STMND1: variants seen among roughly 807,000 people sequenced by gnomAD.
STMND1 encodes stathmin domain containing 1.
In STMND1, 17 loss-of-function variants were observed where a neutral mutation model predicts 23.0. That is an observed-to-expected ratio of 0.74 (90% confidence interval 0.51 to 1.11). The LOEUF is 1.11. STMND1 is among the 50% of genes least tolerant of loss of function. The pLI is 0.00. For synonymous variants in STMND1, 114 were observed against 119.9 expected, an observed-to-expected ratio of 0.95 and a Z score of 0.32; for missense variants, 305 against 329.1, an observed-to-expected ratio of 0.93 and a Z score of 0.57.
At chr6:17,102,950 C>G (rs931591044) in intron 1 of STMND1, among the ~76,000 whole-genome samples, 1 of 152,166 alleles carries the variant, frequency 6.6e-6, no homozygotes, top group Admixed American at 6.5e-5. Context: ...TTCCAATACT[C>G]TTTTCCCTAA....
chr6:17,118,469 G>A (rs1475145710), intron 2 of STMND1, among the ~76,000 whole-genome samples: 1 of 151,844 alleles, frequency 6.6e-6, no homozygotes, highest in Non-Finnish European at 1.5e-5. Flanking sequence ...AGCACAACAT[G>A]GTTTTTAAAC....
intron 1 of STMND1, among the ~76,000 whole-genome samples, chr6:17,105,817 C>A (rs746656857): frequency 6.7e-6 from 1 of 148,784 alleles, no homozygotes; most frequent in African/African-American, 2.5e-5. Flanking sequence ...CCCAGCTACT[C>A]CGGAGGCTGA....
chr6:17,109,141 G>A (rs1761066077), intron 1 of STMND1, among the ~76,000 whole-genome samples: 1 of 152,194 alleles, frequency 6.6e-6, no homozygotes, highest in Admixed American at 6.5e-5. Flanking sequence ...CGGAGACAGA[G>A]AAAAGCACAT....
intron 1 of STMND1, among the ~76,000 whole-genome samples, chr6:17,108,679 C>T (rs2113475272): frequency 6.9e-6 from 1 of 145,558 alleles, no homozygotes; most frequent in South Asian, 2.2e-4. Context: ...GGTCTCCTTC[C>T]TGTTCTTTTT....
intron 2 of STMND1, 74 bp from the exon 3 acceptor site, chr6:17,120,533 C>T: frequency 8.4e-7 from 1 of 1,192,394 alleles, no homozygotes; most frequent in Non-Finnish European, 1.1e-6. Flanking sequence ...TAGAAGGCAT[C>T]CGTTTAGCAT....
At chr6:17,107,485 C>T (rs2113473890) in intron 1 of STMND1, among the ~76,000 whole-genome samples, 1 of 152,198 alleles carries the variant, frequency 6.6e-6, no homozygotes, top group East Asian at 1.9e-4. Context: ...AATCCGTACC[C>T]CCGAGGAAAA....
At position 17,129,191 on chromosome 6, in the gene STMND1, T is replaced by C. The variant is rs1486713028; in HGVS notation, c.491T>C (p.Phe164Ser). Residue 164 changes from phenylalanine (F) to serine (S), a missense_variant, in exon 4 of 5, where the codon TTC becomes TCC. By Grantham distance (155) the Phe-to-Ser change is radical. Coordinates refer to ENST00000536551, the MANE Select transcript of STMND1 (RefSeq NM_001190766.2). ...KLKIKKQVKDFTMKDIEEKME... is the reference protein window; with the variant it reads ...KLKIKKQVKDSTMKDIEEKME... ...AAGATCAAAAAGCAAGTGAAGGATTTCACAATGAAGGACATCGAGGAGAAG... is the reference window on the plus strand; with the variant it reads ...AAGATCAAAAAGCAAGTGAAGGATTCCACAATGAAGGACATCGAGGAGAAG... The C allele has an allele frequency of 6.5e-7, 1 of 1,535,932 alleles. No homozygotes were observed. The highest frequency in any genetic ancestry group is 1.2e-5 in the South Asian group (1 of 84,054).
chr6:17,130,586 CATTTCAGACTAAAGA>C lies in STMND1; in HGVS notation c.544-6_552del. ...CGCTCTTTTTCATTCTTTAATACTG[CATTTCAGACTAAAGA>C]AGAAGAAATAAGAAAAAGGCTACGG... is the stretch of plus-strand genomic sequence containing the variant. On this transcript the variant is annotated splice_acceptor_variant and splice_polypyrimidine_tract_variant and coding_sequence_variant and intron_variant, in exon 5 of 5. Transcript: ENST00000536551. LOFTEE classifies it high-confidence loss of function. The C allele has an allele frequency of 6.7e-7, 1 of 1,497,880 alleles. No individual in the cohort carries two copies. Among genetic ancestry groups the C allele is most frequent in the Non-Finnish European group, 8.9e-7 (1 of 1,129,292 alleles). 92.8% of individuals were successfully genotyped at this position (1,497,880 alleles called of 1,614,324 possible). A position where few individuals can be genotyped will look rare whatever the true frequency, so the allele number is the denominator to read the frequency against.
At chr6:17,109,765 CT>C (rs2113476612) in intron 1 of STMND1, among the ~76,000 whole-genome samples, 1 of 152,260 alleles carries the variant, frequency 6.6e-6, no homozygotes, top group Admixed American at 6.5e-5. Flanking sequence ...CACTTCTCAC[CT>C]TGACAACTGC....
chr6:17,128,976 G>A, intron 3 of STMND1, 136 bp from the exon 4 acceptor site: 1 of 863,126 alleles, frequency 1.2e-6, no homozygotes, highest in Non-Finnish European at 1.7e-6. Flanking sequence ...GCCTCCCAAA[G>A]TGCCGGGATT....
intron 2 of STMND1, among the ~76,000 whole-genome samples, chr6:17,118,718 T>C (rs4716112): frequency 0.3 from 45,934 of 152,112 alleles, 7,135 homozygotes; most frequent in Middle Eastern, 0.34. Context: ...ACAGTGGAAC[T>C]GCTTACATGA....
At chr6:17,126,066 ATATATTTTTTTTTT>A (rs1761297992) in intron 3 of STMND1, among the ~76,000 whole-genome samples, 2 of 23,300 alleles carry the variant, frequency 8.6e-5, no homozygotes, top group African/African-American at 2.1e-4. Flanking sequence ...ATATATATAT[ATATATTTTTTTTTT>A]TTTTTTTTTT....
chr6:17,128,875 G>C (rs183652278), intron 3 of STMND1: 7 of 342,056 alleles, frequency 2.0e-5, no homozygotes, highest in Non-Finnish European at 3.3e-5. Context: ...ACCATGCCTG[G>C]CTAATTTTTT....
In STMND1 at chr6:17,110,173, G is replaced by T. The variant is rs139388718; in HGVS notation, c.82-4789G>T. Among the ~76,000 whole-genome samples, 427 of 152,150 alleles carry T rather than the reference G, an allele frequency of 2.8e-3. 3 individuals are homozygous for T. Among genetic ancestry groups the T allele is most frequent in the Non-Finnish European group, 4.2e-3 (288 of 68,000 alleles). ...ATTTTTTTCTTCTTTCATACCTTTT[G>T]CTCCCTCCAACAAGATACAAACTTT... On this transcript the variant is annotated intron_variant, in intron 1 of 4. Transcript: ENST00000536551.
At chr6:17,115,182 AC>A in intron 2 of STMND1, 43 bp downstream of exon 2, 1 of 1,492,728 alleles carries the variant, frequency 6.7e-7, no homozygotes, top group Middle Eastern at 1.7e-4. Flanking sequence ...TTCACAAAAT[AC>A]TGTTTCTCTA....
intron 2 of STMND1, among the ~76,000 whole-genome samples, chr6:17,120,401 T>C (rs180710870): frequency 6.6e-6 from 1 of 152,348 alleles, no homozygotes; most frequent in Admixed American, 6.5e-5. Flanking sequence ...AAGTAAACAG[T>C]ATATTATGTT....
In STMND1 at chr6:17,126,070, A is replaced by ATTTTT. The variant is rs1189845838; in HGVS notation, c.412-3018_412-3014dup. Among the ~76,000 whole-genome samples the ATTTTT allele has an allele frequency of 4.4e-4, 9 of 20,530 alleles. 2 individuals carry two copies. In the East Asian group the frequency reaches 0.011, roughly 24 times the overall value. The allele number at this position is 20,530 out of a possible 152,430, so 13.5% of individuals were successfully genotyped here. A position where few individuals can be genotyped will look rare whatever the true frequency, so the allele number is the denominator to read the frequency against. On this transcript the variant is annotated intron_variant, in intron 3 of 4. Coordinates refer to ENST00000536551, the MANE Select transcript of STMND1 (RefSeq NM_001190766.2). ...TATATATATATATATATATATATAT[A>ATTTTT]TTTTTTTTTTTTTTTTTTTTTTTTT... is the stretch of plus-strand genomic sequence containing the variant.
At chr6:17,129,031 C>T in intron 3 of STMND1, 81 bp from the exon 4 acceptor site, 1 of 1,380,916 alleles carries the variant, frequency 7.2e-7, no homozygotes, top group East Asian at 2.6e-5. Flanking sequence ...ACATTTTAAA[C>T]TGTTTATTCT....
intron 1 of STMND1, among the ~76,000 whole-genome samples, chr6:17,112,087 A>G (rs1220374131): frequency 6.6e-6 from 1 of 152,204 alleles, no homozygotes; most frequent in African/African-American, 2.4e-5. Context: ...CATTACCACA[A>G]TGTAATTTTA....
Sources: gnomAD v4.1 joint callset for allele counts (sites outside exome capture counted in the v4.1 genomes callset) on GRCh38, gnomAD v4.1.1 for gene constraint, MANE v1.5 for transcripts, NCBI Gene and HGNC (gene_info 2026-07-23, HGNC 2026-07-21) for gene names.